Variants in SLC38A11 observed in about 807,000 individuals in gnomAD.
The protein encoded by SLC38A11 is solute carrier family 38 member 11.
A neutral mutation model predicts 49.4 loss-of-function variants in SLC38A11; 51 were observed. The observed-to-expected ratio is 1.03, with a 90% CI of 0.83 to 1.30. The LOEUF is 1.30. Ranked by LOEUF, SLC38A11 falls within the 50% of genes most tolerant of loss-of-function variation. The pLI is 0.00. For synonymous variants in SLC38A11, 203 were observed against 192.9 expected, an observed-to-expected ratio of 1.05 and a Z score of -0.43; for missense variants, 574 against 556.2, an observed-to-expected ratio of 1.03 and a Z score of -0.32.
intron 7 of SLC38A11, among the ~76,000 whole-genome samples, chr2:164,932,904 C>T (rs547488622): frequency 1.3e-5 from 2 of 151,996 alleles, no homozygotes; most frequent in African/African-American, 4.8e-5. Flanking sequence ...GGCTAATATT[C>T]GTCAGAATGA....
chr2:164,940,500 C>T (rs1687693027), intron 5 of SLC38A11, among the ~76,000 whole-genome samples: 1 of 150,866 alleles, frequency 6.6e-6, no homozygotes, highest in Admixed American at 6.6e-5. Context: ...AGTCATTGTG[C>T]ATCAATTTCT....
intron 7 of SLC38A11, among the ~76,000 whole-genome samples, chr2:164,930,352 A>G (rs1043788443): frequency 6.6e-6 from 1 of 152,178 alleles, no homozygotes; most frequent in African/African-American, 2.4e-5. Flanking sequence ...TTCCTGCTGA[A>G]GCTGTTCCAA....
At chr2:164,898,884 A>C (rs1684477763) in intron 11 of SLC38A11, among the ~76,000 whole-genome samples, 154 bp from the exon 12 acceptor site, 1 of 152,174 alleles carries the variant, frequency 6.6e-6, no homozygotes, top group South Asian at 2.1e-4. Context: ...AATAGTTCTA[A>C]GAAAGACTTA....
intron 7 of SLC38A11, among the ~76,000 whole-genome samples, chr2:164,930,475 T>C (rs56884077): frequency 0.069 from 10,479 of 151,970 alleles, 393 homozygotes; most frequent in Admixed American, 0.1. Context: ...CAGGCCAATA[T>C]CTTTGGTGAA....
intron 3 of SLC38A11, among the ~76,000 whole-genome samples, chr2:164,946,585 AT>A (rs1553504129): frequency 1.4e-5 from 2 of 138,396 alleles, no homozygotes; most frequent in Non-Finnish European, 1.6e-5. Flanking sequence ...AAAAAAAAAA[AT>A]TTGCATTTTA....
chr2:164,915,482 C>T, intron 8 of SLC38A11: 1 of 497,970 alleles, frequency 2.0e-6, no homozygotes, highest in Non-Finnish European at 3.5e-6. Flanking sequence ...TTTCATGTTA[C>T]TCTTGATATA....
At chr2:164,930,890 T>C (rs1417355822) in intron 7 of SLC38A11, among the ~76,000 whole-genome samples, 3 of 152,066 alleles carry the variant, frequency 2.0e-5, no homozygotes, top group Non-Finnish European at 2.9e-5. Context: ...AACATGGTAC[T>C]GGAAGTCCTG....
intron 7 of SLC38A11, among the ~76,000 whole-genome samples, chr2:164,920,422 CAT>C (rs1208177194): frequency 6.6e-6 from 1 of 152,038 alleles, no homozygotes; most frequent in Admixed American, 6.6e-5. Flanking sequence ...CCCAATTAAA[CAT>C]GTGTAGATGG....
chr2:164,947,115 C>CTTTTTTTTT (rs1688166731), intron 3 of SLC38A11, among the ~76,000 whole-genome samples: 1 of 63,078 alleles, frequency 1.6e-5, no homozygotes, highest in Admixed American at 1.5e-4. Flanking sequence ...ACTTTTTTAT[C>CTTTTTTTTT]TCTTTTTTTT....
chr2:164,926,056 A>T (rs1686557480), intron 7 of SLC38A11, among the ~76,000 whole-genome samples: 2 of 152,080 alleles, frequency 1.3e-5, no homozygotes, highest in South Asian at 4.1e-4. Flanking sequence ...CTTCATTACC[A>T]GTCTTATCCT....
chr2:164,951,361 A>AT (rs536919816), intron 3 of SLC38A11, among the ~76,000 whole-genome samples: 22 of 149,796 alleles, frequency 1.5e-4, no homozygotes, highest in East Asian at 3.9e-4. Context: ...CTTGAATGAA[A>AT]TTTTTTTTTT....
Position 164,939,523 on chromosome 2 carries a change from A to C in SLC38A11, c.464T>G (p.Phe155Cys). ...DPENVFIGRH[F>C]IIGLSTVTFT... is the part of the protein sequence containing the mutation. ...GGTAACTGTGGAAAGTCCAATAATG[A>C]AGTGGCGACCAATAAACACGTTTTC... Residue 155 changes from phenylalanine (F) to cysteine (C), a missense_variant, in exon 6 of 12, where the codon TTC (phenylalanine) becomes TGC (cysteine). Coordinates refer to ENST00000685975, the MANE Select transcript of SLC38A11 (RefSeq NM_001351537.2). The C allele has an allele frequency of 6.2e-7, 1 of 1,610,796 alleles. No homozygotes were observed. Among genetic ancestry groups the C allele is most frequent in the African/African-American group, 1.3e-5 (1 of 74,952 alleles).
At chr2:164,902,554 G>T (rs1188165467) in intron 11 of SLC38A11, among the ~76,000 whole-genome samples, 1 of 151,988 alleles carries the variant, frequency 6.6e-6, no homozygotes, top group Non-Finnish European at 1.5e-5. Context: ...TATCACCTAT[G>T]GTTTAAAAGC....
intron 7 of SLC38A11, among the ~76,000 whole-genome samples, chr2:164,931,486 C>T (rs971996452): frequency 3.3e-5 from 5 of 151,988 alleles, no homozygotes; most frequent in African/African-American, 1.2e-4. Flanking sequence ...GCAAAAAGAA[C>T]AAAACCAGAG....
At chr2:164,940,213 T>C (rs1687664889) in intron 5 of SLC38A11, among the ~76,000 whole-genome samples, 1 of 117,974 alleles carries the variant, frequency 8.5e-6, no homozygotes, top group Non-Finnish European at 1.7e-5. Context: ...TATGGTCAAA[T>C]ACAAATAGAA....
Position 164,897,820 on chromosome 2 carries a change from G to C in SLC38A11, c.*617C>G, listed in dbSNP as rs934126409. 1 of 152,076 alleles carries C rather than the reference G, an allele frequency of 6.6e-6. No homozygotes were observed. Among genetic ancestry groups the C allele is most frequent in the African/African-American group, 2.4e-5 (1 of 41,386 alleles). 9.4% of individuals were successfully genotyped at this position (152,076 alleles called of 1,614,324 possible). A position where few individuals can be genotyped will look rare whatever the true frequency, so the allele number is the denominator to read the frequency against. Reference sequence around the variant, plus strand: ...GTATTCCCACAGCATCAGAAGATGGGAGGTGATTTTGATTCTTTACACACC... The same window carrying C: ...GTATTCCCACAGCATCAGAAGATGGCAGGTGATTTTGATTCTTTACACACC... On this transcript the variant is annotated 3_prime_UTR_variant, in exon 12 of 12. Transcript: ENST00000685975.
At chr2:164,909,493 A>G (rs1042505977) in intron 10 of SLC38A11, among the ~76,000 whole-genome samples, 9 of 151,470 alleles carry the variant, frequency 5.9e-5, no homozygotes, top group African/African-American at 2.2e-4. Context: ...AGGACAAAAA[A>G]GATCAAGGAG....
rs139332777 is a variant in SLC38A11, at chr2:164,934,495, G to T, written c.617+2855C>A. 7.7e-3 allele frequency among the ~76,000 whole-genome samples: 1,179 copies of T among 152,160 alleles called. 10 individuals carry two copies. Among genetic ancestry groups the T allele is most frequent in the Non-Finnish European group, 0.012 (830 of 67,994 alleles). On this transcript the variant is annotated intron_variant, in intron 7 of 11. Transcript: ENST00000685975. ...GATCAATTCCTTCAGAATCTCTACA[G>T]GTGGGGCTCTGGCATCAGTATTTTC...
chr2:164,955,105 T>C (rs1466706202), intron 1 of SLC38A11, 104 bp downstream of exon 1: 5 of 1,135,614 alleles, frequency 4.4e-6, no homozygotes, highest in Non-Finnish European at 6.5e-6. Flanking sequence ...CTTTTCGCGG[T>C]GCTAAACCAA....
Sources: allele counts gnomAD v4.1 joint callset (sites outside exome capture counted in the v4.1 genomes callset), GRCh38; gene constraint gnomAD v4.1.1; transcripts MANE v1.5; gene names NCBI Gene and HGNC (gene_info 2026-07-23, HGNC 2026-07-21).